LOXHD1: variants seen among roughly 807,000 people sequenced by gnomAD.
LOXHD1 encodes the protein lipoxygenase homology PLAT domains 1, also known as lipoxygenase homology domain-containing protein 1.
In LOXHD1, 205 loss-of-function variants were observed where a neutral mutation model predicts 248.2. The observed-to-expected ratio is 0.83, with a 90% CI of 0.74 to 0.93. The LOEUF (loss-of-function observed/expected upper bound fraction) is 0.93, where lower values mean the gene tolerates loss of function less well. LOXHD1 is among the 40% of genes least tolerant of loss of function. The pLI is 0.00. For missense variants in LOXHD1, 2,930 were observed against 2,971.6 expected (o/e 0.99, Z 0.33); for synonymous variants, 1,113 against 1,162.8 (o/e 0.96, Z 0.87).
intron 12 of LOXHD1, among the ~76,000 whole-genome samples, chr18:46,588,963 A>C (rs1599031646): frequency 6.6e-6 from 1 of 152,166 alleles, no homozygotes; most frequent in Non-Finnish European, 1.5e-5. Context: ...GCATGGGTTC[A>C]AAGAAGGGGC....
chr18:46,558,807 T>C (rs74582486), intron 20 of LOXHD1, among the ~76,000 whole-genome samples: 5,669 of 152,244 alleles, frequency 0.037, 120 homozygotes, highest in Middle Eastern at 0.092. Context: ...GTATGTGTAT[T>C]TCTTTTCATG....
intron 37 of LOXHD1, among the ~76,000 whole-genome samples, chr18:46,504,982 G>A (rs1326690100): frequency 6.6e-6 from 1 of 152,144 alleles, no homozygotes; most frequent in African/African-American, 2.4e-5. Flanking sequence ...AAATAAAGTG[G>A]CTTAAAGACA....
chr18:46,564,103 T>A (rs998396291), intron 17 of LOXHD1, among the ~76,000 whole-genome samples: 2 of 146,106 alleles, frequency 1.4e-5, no homozygotes, highest in Non-Finnish European at 3.1e-5. Flanking sequence ...AGTGTGTGTG[T>A]GTGTGTGTGT....
chr18:46,556,353 A>C (rs2143958004), intron 21 of LOXHD1, among the ~76,000 whole-genome samples: 1 of 152,148 alleles, frequency 6.6e-6, no homozygotes, highest in East Asian at 1.9e-4. Flanking sequence ...CTAGGCATGG[A>C]AACTGGACCA....
intron 14 of LOXHD1, among the ~76,000 whole-genome samples, chr18:46,573,077 C>T (rs1435962520): frequency 1.4e-5 from 2 of 147,544 alleles, no homozygotes; most frequent in African/African-American, 5.0e-5. Flanking sequence ...GCACTGAGGA[C>T]CAAGACCAGG....
At chr18:46,600,294 G>A (rs1195109016) in intron 8 of LOXHD1, among the ~76,000 whole-genome samples, 1 of 152,126 alleles carries the variant, frequency 6.6e-6, no homozygotes, top group Non-Finnish European at 1.5e-5. Context: ...AAAACATAAT[G>A]TTGAGTGAAA....
intron 2 of LOXHD1, among the ~76,000 whole-genome samples, 170 bp downstream of exon 2, chr18:46,648,985 G>A (rs557460486): frequency 4.6e-5 from 7 of 152,204 alleles, no homozygotes; most frequent in African/African-American, 1.2e-4. Flanking sequence ...GAGGTGCACC[G>A]GGGGATCCCC....
At chr18:46,579,185 C>A (rs1445946417) in intron 13 of LOXHD1, among the ~76,000 whole-genome samples, 1 of 152,232 alleles carries the variant, frequency 6.6e-6, no homozygotes, top group Non-Finnish European at 1.5e-5. Context: ...CAGCTTTCTC[C>A]AGCCCAGGTC....
rs1031157261 is a variant in LOXHD1, at chr18:46,570,903, C to A, written c.2047+1183G>T. On this transcript the variant is annotated intron_variant, in intron 15 of 40. Transcript: ENST00000642948. ...CGCTCTGACTGAGGAAGCAGGGGGTCAGGAGGTCCTGTCCACATGGTGAAA... is the reference window on the plus strand; with the variant it reads ...CGCTCTGACTGAGGAAGCAGGGGGTAAGGAGGTCCTGTCCACATGGTGAAA... 3.3e-5 allele frequency among the ~76,000 whole-genome samples: 5 copies of A among 152,060 alleles called. 1 individual carries two copies. The highest frequency in any genetic ancestry group is 4.8e-5 in the African/African-American group (2 of 41,372).
At chr18:46,487,426 C>T (rs929594343) in intron 38 of LOXHD1, among the ~76,000 whole-genome samples, 1 of 152,218 alleles carries the variant, frequency 6.6e-6, no homozygotes, top group Non-Finnish European at 1.5e-5. Context: ...AGTCTCGAGA[C>T]AAGAACTACA....
At chr18:46,596,923 T>C (rs1333660816) in intron 8 of LOXHD1, among the ~76,000 whole-genome samples, 6 of 152,156 alleles carry the variant, frequency 3.9e-5, no homozygotes, top group African/African-American at 1.4e-4. Flanking sequence ...TTACCAACAA[T>C]AGACCTTTAT....
At chr18:46,501,383 T>A (rs1292249418) in intron 37 of LOXHD1, among the ~76,000 whole-genome samples, 1 of 152,226 alleles carries the variant, frequency 6.6e-6, no homozygotes, top group Non-Finnish European at 1.5e-5. Context: ...TTTGTGCTAT[T>A]TGTTAGTGAG....
At chr18:46,627,861 C>T (rs760693274) in intron 4 of LOXHD1, among the ~76,000 whole-genome samples, 9 of 152,206 alleles carry the variant, frequency 5.9e-5, no homozygotes, top group Middle Eastern at 3.2e-3. Flanking sequence ...TTGGCCTGGG[C>T]GCCATACCCC....
chr18:46,478,567 T>TG (rs1250682827), intron 40 of LOXHD1, among the ~76,000 whole-genome samples: 1 of 152,202 alleles, frequency 6.6e-6, no homozygotes, highest in Non-Finnish European at 1.5e-5. Context: ...GTCCTTCCCC[T>TG]GCTCAGAACC....
chr18:46,539,233 G>A (rs937254531), intron 25 of LOXHD1, among the ~76,000 whole-genome samples: 3 of 152,200 alleles, frequency 2.0e-5, no homozygotes, highest in Non-Finnish European at 4.4e-5. Context: ...GGCCGAGGTG[G>A]GCTAATCACT....
intron 12 of LOXHD1, among the ~76,000 whole-genome samples, chr18:46,591,641 T>C (rs909587779): frequency 2.0e-5 from 3 of 152,220 alleles, no homozygotes; most frequent in Non-Finnish European, 4.4e-5. Flanking sequence ...AAGGAGGCTC[T>C]GGAGAACTAT....
intron 13 of LOXHD1, 148 bp from the exon 14 acceptor site, chr18:46,578,015 A>C: frequency 1.3e-6 from 1 of 763,342 alleles, no homozygotes; most frequent in South Asian, 1.8e-5. Flanking sequence ...GCTACCTATA[A>C]AGCACAGCTC....
At position 46,563,098 on chromosome 18, in the gene LOXHD1, T is replaced by C; in HGVS notation, c.2565A>G (p.Lys855=). Residue 855 remains lysine, a synonymous_variant, in exon 18 of 41, where the codon AAA becomes AAG. Coordinates refer to ENST00000642948, the MANE Select transcript of LOXHD1 (RefSeq NM_001384474.1). ...TGTCCTTGGACGCCCGTTCAAAAAC[T>C]TTTGAGCGGCTGGAGAGGAAGAGCA... The part of the protein sequence containing the change: ...TEVLFLSSRS[K]VFERASKDTF... 1 of 1,545,650 alleles carries C rather than the reference T, an allele frequency of 6.5e-7. No homozygotes were observed. The highest frequency in any genetic ancestry group is 8.8e-7 in the Non-Finnish European group (1 of 1,141,924).
In LOXHD1 at chr18:46,610,786, A is replaced by C; in HGVS notation, c.749T>G (p.Phe250Cys). Residue 250 changes from phenylalanine to cysteine, a missense_variant, in exon 6 of 41, where the codon TTC (phenylalanine) becomes TGC (cysteine). Coordinates refer to ENST00000642948, the MANE Select transcript of LOXHD1 (RefSeq NM_001384474.1). Reference protein sequence around the residue: ...HNNKGGSAGWFLSQIVIEDIG... With the variant: ...HNNKGGSAGWCLSQIVIEDIG... ...AGCAGCTGAACTCACCTGGGACAGG[A>C]ACCAACCTGCAGAGCCCCCCTTATT... 2 of 1,551,246 alleles carry C rather than the reference A, an allele frequency of 1.3e-6. No homozygotes were observed. Among genetic ancestry groups the C allele is most frequent in the Non-Finnish European group, 1.7e-6 (2 of 1,146,772 alleles).
Sources: gnomAD v4.1 joint callset for allele counts (sites outside exome capture counted in the v4.1 genomes callset) on GRCh38, gnomAD v4.1.1 for gene constraint, MANE v1.5 for transcripts, NCBI Gene and HGNC (gene_info 2026-07-23, HGNC 2026-07-21) for gene names.